The following MROH1 variants were observed in gnomAD, a reference collection of about 807,000 sequenced individuals.
MROH1 encodes the protein maestro heat-like repeat-containing protein family member 1.
Under a neutral mutation model 116.5 loss-of-function variants are expected in MROH1, and 117 were observed. The ratio of observed to expected loss-of-function variants is 1.00; its 90% CI spans 0.86 to 1.17. The LOEUF (loss-of-function observed/expected upper bound fraction) is 1.17, where lower values mean the gene tolerates loss of function less well. MROH1 is among the 50% of genes most tolerant of loss of function. The pLI is 0.00. For missense variants in MROH1, 1,873 were observed against 1,338.5 expected (o/e 1.40, Z -6.23); for synonymous variants, 921 against 583.9 (o/e 1.58, Z -8.32).
At chr8:144,239,252 C>A (rs1315305456) in intron 16 of MROH1, 71 bp from the exon 17 acceptor site, 2 of 773,404 alleles carry the variant, frequency 2.6e-6, no homozygotes, top group African/African-American at 3.4e-5. Flanking sequence ...CTTCCCCATC[C>A]TCCAGTTCCT....
intron 12 of MROH1, among the ~76,000 whole-genome samples, chr8:144,215,129 C>T (rs1375018451): frequency 6.6e-6 from 1 of 152,242 alleles, no homozygotes; most frequent in African/African-American, 2.4e-5. Flanking sequence ...CTCACAGACA[C>T]ATCCAGGAAC....
At chr8:144,161,774 G>T (rs879437574) in intron 2 of MROH1, among the ~76,000 whole-genome samples, 1 of 152,236 alleles carries the variant, frequency 6.6e-6, no homozygotes, top group South Asian at 2.1e-4. Context: ...CTGCACGGTC[G>T]TGGACTGGCG....
At chr8:144,156,843 T>G (rs1195264097) in intron 1 of MROH1, among the ~76,000 whole-genome samples, 2 of 140,500 alleles carry the variant, frequency 1.4e-5, no homozygotes, top group African/African-American at 5.2e-5. Context: ...AGTGCAATGG[T>G]GCTATCTCGG....
intron 1 of MROH1, among the ~76,000 whole-genome samples, chr8:144,155,043 C>G (rs1458365146): frequency 6.6e-6 from 1 of 152,118 alleles, no homozygotes; most frequent in African/African-American, 2.4e-5. Context: ...GTCTTGAACT[C>G]CTGACCTCGT....
intron 12 of MROH1, among the ~76,000 whole-genome samples, chr8:144,217,466 C>A (rs1272691426): frequency 6.6e-6 from 1 of 152,192 alleles, no homozygotes; most frequent in African/African-American, 2.4e-5. Flanking sequence ...TGAAACACAT[C>A]GGGTCGCAAT....
chr8:144,202,001 G>C (rs1407146088), intron 12 of MROH1, among the ~76,000 whole-genome samples: 2 of 148,098 alleles, frequency 1.4e-5, no homozygotes, highest in African/African-American at 2.5e-5. Context: ...CTGGACAACA[G>C]AGTGAGACTC....
chr8:144,169,161 CTG>C (rs896570561), intron 4 of MROH1, among the ~76,000 whole-genome samples: 1 of 152,188 alleles, frequency 6.6e-6, no homozygotes, highest in African/African-American at 2.4e-5. Context: ...TAGTTTTTCT[CTG>C]TGTGTGTGGT....
At chr8:144,245,334 G>T in intron 29 of MROH1, 74 bp downstream of exon 29, 1 of 756,404 alleles carries the variant, frequency 1.3e-6, no homozygotes, top group Non-Finnish European at 2.4e-6. Flanking sequence ...CTGCCTTCCT[G>T]GCTTCCTCTG....
intron 11 of MROH1, 113 bp downstream of exon 11, chr8:144,199,313 C>T (rs982498372): frequency 2.7e-6 from 3 of 1,117,852 alleles, no homozygotes; most frequent in Non-Finnish European, 3.9e-6. Flanking sequence ...ATGAGGAGGC[C>T]CCTGTTTCCA....
chr8:144,247,244 A>G, intron 29 of MROH1, 57 bp from the exon 30 acceptor site: 5 of 745,718 alleles, frequency 6.7e-6, no homozygotes, highest in Non-Finnish European at 1.2e-5. Context: ...TACAGGTGGC[A>G]TAGGTGGCAT....
chr8:144,168,502 G>A, intron 4 of MROH1, 62 bp downstream of exon 4: 1 of 1,542,268 alleles, frequency 6.5e-7, no homozygotes, highest in Non-Finnish European at 8.7e-7. Flanking sequence ...GGCTTACTTG[G>A]TTTGGGAAGA....
intron 1 of MROH1, among the ~76,000 whole-genome samples, chr8:144,152,496 C>A (rs1002890919): frequency 7.2e-5 from 11 of 151,814 alleles, no homozygotes; most frequent in African/African-American, 1.5e-4. Flanking sequence ...TCAAGCCATT[C>A]TCCTGCCTCA....
rs974000019 is a variant in MROH1, at chr8:144,239,655, A to G, written c.1674A>G (p.Ala558=). ...SSPYLGDGRG[A]AALRLLSVLH... ...CCTACCTAGGGGACGGACGTGGGGCAGCGGCGCTGCGCCTCCTCAGTGTTC... is the reference window on the plus strand; with the variant it reads ...CCTACCTAGGGGACGGACGTGGGGCGGCGGCGCTGCGCCTCCTCAGTGTTC... The change falls in exon 18 of 44, where the codon GCA becomes GCG. Residue 558 remains alanine, a synonymous_variant. Coordinates refer to ENST00000326134, the MANE Select transcript of MROH1 (RefSeq NM_032450.3). 3,465 of 767,206 alleles carry G rather than the reference A, an allele frequency of 4.5e-3. 59 individuals carry two copies. In the African/African-American group the frequency reaches 0.046, roughly 10 times the overall value. The allele number at this position is 767,206 out of a possible 1,614,324, so 47.5% of individuals were successfully genotyped here.
At chr8:144,190,321 A>G (rs1828236341) in intron 7 of MROH1, among the ~76,000 whole-genome samples, 1 of 152,212 alleles carries the variant, frequency 6.6e-6, no homozygotes, top group South Asian at 2.1e-4. Context: ...TGAGGTCAGC[A>G]GTTTGAAACC....
chr8:144,203,527 T>C (rs1323335232), intron 12 of MROH1, among the ~76,000 whole-genome samples: 3 of 126,242 alleles, frequency 2.4e-5, no homozygotes, highest in Non-Finnish European at 5.1e-5. Flanking sequence ...CTCTGTGGAG[T>C]GGCCCGGAGA....
At chr8:144,228,044 C>A (rs939155652) in intron 14 of MROH1, among the ~76,000 whole-genome samples, 3 of 151,988 alleles carry the variant, frequency 2.0e-5, no homozygotes, top group African/African-American at 7.2e-5. Context: ...CCAGCCTGGA[C>A]AATGTAACCA....
intron 10 of MROH1, among the ~76,000 whole-genome samples, 188 bp from the exon 11 acceptor site, chr8:144,198,934 A>C (rs1030404921): frequency 6.6e-6 from 1 of 152,130 alleles, no homozygotes. Context: ...CTCTGATTAC[A>C]GGGGATGAGA....
At chr8:144,241,566 T>A (rs1432942349) in intron 22 of MROH1, 49 bp downstream of exon 22, 2 of 775,504 alleles carry the variant, frequency 2.6e-6, no homozygotes, top group African/African-American at 1.7e-5. Context: ...TATCCACAAG[T>A]TTGAGGCTCA....
intron 14 of MROH1, among the ~76,000 whole-genome samples, chr8:144,238,167 T>G (rs1403838693): frequency 1.6e-4 from 19 of 122,316 alleles, no homozygotes; most frequent in Non-Finnish European, 2.0e-4. Flanking sequence ...AATATCACTG[T>G]TTTTTTTTTT....
Sources: allele counts gnomAD v4.1 joint callset (sites outside exome capture counted in the v4.1 genomes callset), GRCh38; gene constraint gnomAD v4.1.1; transcripts MANE v1.5; gene names NCBI Gene and HGNC (gene_info 2026-07-23, HGNC 2026-07-21).